The following ZNF678 variants were observed in gnomAD, a reference collection of about 807,000 sequenced individuals.
ZNF678 encodes zinc finger protein 678.
ZNF678 carries 5 observed loss-of-function variants against 3.0 expected under a neutral mutation model. The observed-to-expected ratio is 1.69, with a 90% CI of 0.88 to 3.56. ZNF678 has a LOEUF of 3.56. Among genes scored for constraint, ZNF678 ranks in the 30% most tolerant of loss-of-function variants. ZNF678 has a pLI of 0.00. For synonymous variants in ZNF678, 218 were observed against 199.6 expected (o/e 1.09, Z -0.78); for missense variants, 593 against 605.0 (o/e 0.98, Z 0.21).
intron 1 of ZNF678, among the ~76,000 whole-genome samples, chr1:227,637,779 G>A (rs58274339): frequency 1.3e-5 from 2 of 152,142 alleles, no homozygotes; most frequent in African/African-American, 4.8e-5. Context: ...TATCCCACTA[G>A]TTCTAGAAAA....
intron 1 of ZNF678, among the ~76,000 whole-genome samples, chr1:227,571,886 C>T (rs1271403459): frequency 1.3e-5 from 2 of 152,150 alleles, no homozygotes; most frequent in African/African-American, 4.8e-5. Context: ...ACTAAAAATA[C>T]AAAAAATTAG....
chr1:227,566,205 A>G (rs1656680639), intron 1 of ZNF678, among the ~76,000 whole-genome samples: 1 of 152,076 alleles, frequency 6.6e-6, no homozygotes, highest in African/African-American at 2.4e-5. Flanking sequence ...TGGCATGGAG[A>G]TGGAGCCTCT....
In ZNF678 at chr1:227,624,574, G is replaced by T. The variant is rs187134793; in HGVS notation, c.-163-21970G>T. 4.0e-3 allele frequency among the ~76,000 whole-genome samples: 607 copies of T among 152,246 alleles called. 7 individuals are homozygous for T. Among genetic ancestry groups the T allele is most frequent in the African/African-American group, 0.014 (584 of 41,550 alleles). On this transcript the variant is annotated intron_variant, in intron 1 of 3. Transcript: ENST00000343776. ...GATGGTGGTGGACCACTCCCAACATGGCAGCAAGCCTTTTGTTCTCTGACC... is the reference window on the plus strand; with the variant it reads ...GATGGTGGTGGACCACTCCCAACATTGCAGCAAGCCTTTTGTTCTCTGACC...
At chr1:227,618,113 A>T (rs1211366001) in intron 1 of ZNF678, among the ~76,000 whole-genome samples, 1 of 152,224 alleles carries the variant, frequency 6.6e-6, no homozygotes, top group Non-Finnish European at 1.5e-5. Flanking sequence ...ATAGCCAGCT[A>T]CCTGGCGCCT....
downstream of ZNF678, among the ~76,000 whole-genome samples, chr1:227,679,102 G>A (rs1210602483): frequency 1.3e-5 from 2 of 150,938 alleles, no homozygotes; most frequent in Non-Finnish European, 3.0e-5. Context: ...GAAAAAAAAA[G>A]TAAATGACTT....
intron 1 of ZNF678, among the ~76,000 whole-genome samples, chr1:227,599,988 G>T (rs933373190): frequency 1.3e-5 from 2 of 151,964 alleles, no homozygotes; most frequent in African/African-American, 4.8e-5. Flanking sequence ...CCTCCAGTAG[G>T]CACCCCATGT....
intron 1 of ZNF678, among the ~76,000 whole-genome samples, chr1:227,640,850 T>C (rs1658802246): frequency 6.6e-6 from 1 of 152,108 alleles, no homozygotes; most frequent in Non-Finnish European, 1.5e-5. Context: ...AAGGAGACCA[T>C]CCTGGATGGC....
downstream of ZNF678, among the ~76,000 whole-genome samples, chr1:227,666,401 A>G (rs906688145): frequency 4.6e-5 from 7 of 152,190 alleles, no homozygotes; most frequent in Admixed American, 4.6e-4. Context: ...CTATTTACAT[A>G]TTCATATGAG....
chr1:227,635,774 C>T (rs1658663075), intron 1 of ZNF678, among the ~76,000 whole-genome samples: 1 of 152,144 alleles, frequency 6.6e-6, no homozygotes, highest in Non-Finnish European at 1.5e-5. Flanking sequence ...CTTGCTGCTT[C>T]TGCTATCTTG....
downstream of ZNF678, among the ~76,000 whole-genome samples, chr1:227,667,278 C>T (rs915445690): frequency 6.6e-6 from 1 of 152,036 alleles, no homozygotes; most frequent in Non-Finnish European, 1.5e-5. Flanking sequence ...TCAAGCGATC[C>T]GCCCGCCTTG....
chr1:227,600,027 T>C lies in ZNF678; in HGVS notation c.-164+36303T>C, dbSNP rs560156390. Reference sequence around the variant, plus strand: ...TTGTTCCCTTCTATGTGTCCGTGTGTTCTCATTTAGTTCTCCCTTAGGGAA... The same window carrying C: ...TTGTTCCCTTCTATGTGTCCGTGTGCTCTCATTTAGTTCTCCCTTAGGGAA... On this transcript the variant is annotated intron_variant, in intron 1 of 3. Transcript: ENST00000343776. Among the ~76,000 whole-genome samples the C allele has an allele frequency of 1.7e-4, 26 of 152,322 alleles. No homozygotes were observed. The East Asian group carries it at 4.8e-3, about 28-fold the overall frequency.
intron 1 of ZNF678, among the ~76,000 whole-genome samples, chr1:227,574,815 C>G (rs550048383): frequency 1.3e-5 from 2 of 152,208 alleles, no homozygotes; most frequent in East Asian, 3.9e-4. Context: ...AGTGTTCTAT[C>G]CATCTTAAGT....
chr1:227,646,486 T>G (rs1198969793), intron 1 of ZNF678, 58 bp from the exon 2 acceptor site: 30 of 1,338,986 alleles, frequency 2.2e-5, no homozygotes, highest in Non-Finnish European at 2.7e-5. Flanking sequence ...TGGAGTCAAA[T>G]TAAGAACTCT....
At chr1:227,577,648 C>G (rs1657019544) in intron 1 of ZNF678, among the ~76,000 whole-genome samples, 1 of 152,062 alleles carries the variant, frequency 6.6e-6, no homozygotes, top group African/African-American at 2.4e-5. Flanking sequence ...TGAGATGGGT[C>G]TCTTGAAGAC....
chr1:227,585,776 C>CT (rs776255737), intron 1 of ZNF678, among the ~76,000 whole-genome samples: 308 of 143,020 alleles, frequency 2.2e-3, no homozygotes, highest in Middle Eastern at 7.7e-3. Context: ...ATTCAGTCCC[C>CT]CCAAAAAAAA....
chr1:227,578,692 T>C (rs1442328933), intron 1 of ZNF678, among the ~76,000 whole-genome samples: 1 of 152,246 alleles, frequency 6.6e-6, no homozygotes, highest in African/African-American at 2.4e-5. Context: ...TGTATGCCCA[T>C]AGCTCAGATG....
intron 1 of ZNF678, among the ~76,000 whole-genome samples, chr1:227,613,420 G>A (rs1558143378): frequency 2.6e-5 from 4 of 152,126 alleles, no homozygotes; most frequent in Admixed American, 2.6e-4. Context: ...TCTCATTAAG[G>A]TCTCTGCACT....
At chr1:227,641,530 G>C (rs923994332) in intron 1 of ZNF678, among the ~76,000 whole-genome samples, 1 of 152,030 alleles carries the variant, frequency 6.6e-6, no homozygotes, top group African/African-American at 2.4e-5. Context: ...AGTTTTTCTG[G>C]AGTTGAAAAT....
intron 1 of ZNF678, among the ~76,000 whole-genome samples, chr1:227,581,533 G>T (rs990293839): frequency 6.6e-6 from 1 of 152,174 alleles, no homozygotes; most frequent in African/African-American, 2.4e-5. Flanking sequence ...GTCATAAAAT[G>T]TGTACTCTTT....
Sources: allele counts gnomAD v4.1 joint callset (sites outside exome capture counted in the v4.1 genomes callset), GRCh38; gene constraint gnomAD v4.1.1; transcripts MANE v1.5; gene names NCBI Gene and HGNC (gene_info 2026-07-23, HGNC 2026-07-21).